The following ITPKB variants were observed in gnomAD, a reference collection of about 807,000 sequenced individuals.
ITPKB encodes inositol-trisphosphate 3-kinase B.
In ITPKB, 13 loss-of-function variants were observed where a neutral mutation model predicts 69.4. The observed-to-expected ratio is 0.19, with a 90% CI of 0.12 to 0.30. The LOEUF (loss-of-function observed/expected upper bound fraction) is 0.30. Ranked by LOEUF, ITPKB falls within the 10% of genes least tolerant of loss-of-function variation. The pLI is 1.00. For missense variants in ITPKB, 1,240 were observed against 1,250.5 expected (o/e 0.99, Z 0.13); for synonymous variants, 584 against 513.7 (o/e 1.14, Z -1.85).
intron 2 of ITPKB, among the ~76,000 whole-genome samples, chr1:226,725,251 GTTC>G (rs1288234068): frequency 6.6e-6 from 1 of 152,188 alleles, no homozygotes; most frequent in East Asian, 1.9e-4. Context: ...CCGTTAAGCC[GTTC>G]TTCTCAGCAC....
intron 2 of ITPKB, among the ~76,000 whole-genome samples, chr1:226,717,770 G>A (rs1440707591): frequency 6.6e-6 from 1 of 152,218 alleles, no homozygotes; most frequent in East Asian, 1.9e-4. Context: ...CAAGGGGCAT[G>A]ACTCTATCCT....
chr1:226,736,810 A>G lies in ITPKB; in HGVS notation c.649T>C (p.Ser217Pro). The G allele has an allele frequency of 6.2e-7, 1 of 1,612,956 alleles. No homozygotes were observed. The highest frequency in any genetic ancestry group is 8.5e-7 in the Non-Finnish European group (1 of 1,180,028). ...AGGCTGGGCCCTCCTTTCCTCCCGG[A>G]GTCGGTTCCTGAAGTCTCTGGACAT... ...EQCPETSGTD[S>P]GRKGGPSLCS... is the part of the protein sequence containing the mutation. The change falls in exon 2 of 8, where the codon TCC (serine) becomes CCC (proline). Residue 217 changes from serine to proline, a missense_variant. Physicochemically the swap from Ser to Pro is moderately conservative, Grantham distance 74 (BLOSUM62 -1). Coordinates refer to ENST00000429204, the MANE Select transcript of ITPKB (RefSeq NM_002221.4).
chr1:226,691,758 G>C (rs1001097488), intron 2 of ITPKB, among the ~76,000 whole-genome samples: 4 of 152,208 alleles, frequency 2.6e-5, no homozygotes, highest in Non-Finnish European at 5.9e-5. Context: ...CTTAGCAGCT[G>C]TGCTCTGCTC....
At chr1:226,676,757 C>T (rs1262340933) in intron 2 of ITPKB, among the ~76,000 whole-genome samples, 2 of 152,246 alleles carry the variant, frequency 1.3e-5, no homozygotes, top group Admixed American at 1.3e-4. Flanking sequence ...CGTAGGGTAA[C>T]TGCCTGGAGG....
intron 2 of ITPKB, among the ~76,000 whole-genome samples, chr1:226,689,099 G>A (rs947450524): frequency 7.9e-5 from 12 of 152,150 alleles, no homozygotes; most frequent in African/African-American, 1.4e-4. Context: ...ATATGTTTTC[G>A]TGCCAAGACA....
chr1:226,636,279 G>A (rs1213395667), intron 7 of ITPKB, among the ~76,000 whole-genome samples: 2 of 152,186 alleles, frequency 1.3e-5, no homozygotes, highest in African/African-American at 2.4e-5. Context: ...CAAGTGGAAA[G>A]GAGAGGCCAC....
At chr1:226,648,551 C>G (rs1317412030) in intron 3 of ITPKB, 121 bp downstream of exon 3, 1 of 715,548 alleles carries the variant, frequency 1.4e-6, no homozygotes, top group Non-Finnish European at 2.5e-6. Flanking sequence ...GCTGTGATTT[C>G]AGACTAGAAA....
At chr1:226,693,516 G>A (rs1286824284) in intron 2 of ITPKB, among the ~76,000 whole-genome samples, 1 of 152,178 alleles carries the variant, frequency 6.6e-6, no homozygotes, top group Non-Finnish European at 1.5e-5. Flanking sequence ...GGTGTGCTCA[G>A]TATATTCTTC....
At chr1:226,735,432 G>T in intron 2 of ITPKB, 95 bp downstream of exon 2, 2 of 1,341,142 alleles carry the variant, frequency 1.5e-6, no homozygotes, top group South Asian at 2.0e-5. Flanking sequence ...GAGTTTTCAT[G>T]ACTGTGTAGA....
intron 2 of ITPKB, chr1:226,657,077 T>TA (rs1669306310): frequency 6.6e-6 from 1 of 152,252 alleles, no homozygotes; most frequent in Admixed American, 6.5e-5. Context: ...ATTAATTGCT[T>TA]ACAAAGCTTC....
At position 226,712,438 on chromosome 1, in the gene ITPKB, G is replaced by A. The variant is rs1656985769; in HGVS notation, c.1932+23089C>T. The stretch of plus-strand genomic sequence containing the variant: ...CAACTGACAAGGTGAAGAAAGCCGA[G>A]GCTGTGTGCGCCACTGACAAAGGGC... On this transcript the variant is annotated intron_variant, in intron 2 of 7. Transcript: ENST00000429204. 2.6e-5 allele frequency among the ~76,000 whole-genome samples: 4 copies of A among 152,240 alleles called. No homozygotes were observed. The South Asian group carries it at 8.3e-4, about 31-fold the overall frequency.
chr1:226,712,544 C>T lies in ITPKB; in HGVS notation c.1932+22983G>A, dbSNP rs145021783. Among the ~76,000 whole-genome samples the T allele has an allele frequency of 8.5e-5, 13 of 152,278 alleles. No individual in the cohort carries two copies. In the East Asian group the frequency reaches 1.7e-3, roughly 20 times the overall value. On this transcript the variant is annotated intron_variant, in intron 2 of 7. Coordinates refer to ENST00000429204, the MANE Select transcript of ITPKB (RefSeq NM_002221.4). ...GTATGCAACATGCCCATTTTACAGC[C>T]GGGAAACAAAGACGTTGAAGGGAAG...
intron 2 of ITPKB, among the ~76,000 whole-genome samples, chr1:226,725,725 C>T (rs1476765580): frequency 1.3e-5 from 2 of 152,186 alleles, no homozygotes; most frequent in African/African-American, 2.4e-5. Flanking sequence ...TGCCCACTGA[C>T]GAATGGGCAA....
intron 2 of ITPKB, among the ~76,000 whole-genome samples, chr1:226,710,504 C>T (rs1322862169): frequency 6.6e-6 from 1 of 152,178 alleles, no homozygotes; most frequent in Non-Finnish European, 1.5e-5. Context: ...TTAATGAGTG[C>T]AGAGTCTCAC....
chr1:226,718,203 A>G (rs992250093), intron 2 of ITPKB, among the ~76,000 whole-genome samples: 1 of 151,674 alleles, frequency 6.6e-6, no homozygotes, highest in Non-Finnish European at 1.5e-5. Context: ...CTGAGGCAGG[A>G]GAATCACTTG....
chr1:226,700,386 T>C (rs746600327), intron 2 of ITPKB, among the ~76,000 whole-genome samples: 1 of 140,380 alleles, frequency 7.1e-6, no homozygotes, highest in Non-Finnish European at 1.5e-5. Flanking sequence ...GGGGAATCAC[T>C]TGAATCCGGG....
At chr1:226,735,404 G>T in intron 2 of ITPKB, 123 bp downstream of exon 2, 2 of 1,121,750 alleles carry the variant, frequency 1.8e-6, no homozygotes, top group Non-Finnish European at 2.4e-6. Context: ...CACTGTGACT[G>T]TCCCAGGGCC....
chr1:226,734,137 G>A (rs1406516740), intron 2 of ITPKB, among the ~76,000 whole-genome samples: 1 of 152,242 alleles, frequency 6.6e-6, no homozygotes, highest in Non-Finnish European at 1.5e-5. Context: ...TCCCCTTCCA[G>A]GTGGACCGCT....
intron 2 of ITPKB, among the ~76,000 whole-genome samples, chr1:226,684,030 T>A (rs763267761): frequency 2.6e-5 from 4 of 152,182 alleles, no homozygotes; most frequent in Non-Finnish European, 5.9e-5. Flanking sequence ...CATCTGACTT[T>A]CTGAGTGTCA....
Sources: gnomAD v4.1 joint callset for allele counts (sites outside exome capture counted in the v4.1 genomes callset) on GRCh38, gnomAD v4.1.1 for gene constraint, MANE v1.5 for transcripts, NCBI Gene and HGNC (gene_info 2026-07-23, HGNC 2026-07-21) for gene names.